The following ULK4 variants were observed in gnomAD, a reference collection of about 807,000 sequenced individuals.
ULK4 encodes inactive serine/threonine-protein kinase ULK4.
A neutral mutation model predicts 160.6 loss-of-function variants in ULK4; 133 were observed. That is an observed-to-expected ratio of 0.83 (90% CI 0.72 to 0.96). ULK4 has a LOEUF of 0.96. Ranked by LOEUF, ULK4 falls within the 40% of genes least tolerant of loss-of-function variation. The pLI is 0.00. For synonymous variants in ULK4, 534 were observed against 539.8 expected (o/e 0.99, Z 0.15); for missense variants, 1,580 against 1,499.5 (o/e 1.05, Z -0.89).
chr3:41,571,494 T>C (rs1360465840), intron 31 of ULK4, among the ~76,000 whole-genome samples: 2 of 152,204 alleles, frequency 1.3e-5, no homozygotes, highest in Non-Finnish European at 2.9e-5. Flanking sequence ...AAACTGTGCA[T>C]TGAAAAACAT....
At chr3:41,613,905 G>A (rs1475238298) in intron 31 of ULK4, among the ~76,000 whole-genome samples, 3 of 152,196 alleles carry the variant, frequency 2.0e-5, no homozygotes, top group African/African-American at 7.2e-5. Context: ...GCTCAGGACT[G>A]GCTAAAATGG....
chr3:41,440,068 CTTCT>C (rs1260700233), intron 34 of ULK4, among the ~76,000 whole-genome samples: 2 of 152,082 alleles, frequency 1.3e-5, no homozygotes, highest in Non-Finnish European at 1.5e-5. Flanking sequence ...TGTGGACAGA[CTTCT>C]TTATTTAATT....
chr3:41,735,697 T>TTAG (rs1215980284), intron 22 of ULK4, among the ~76,000 whole-genome samples: 1 of 149,408 alleles, frequency 6.7e-6, no homozygotes, highest in Non-Finnish European at 1.5e-5. Flanking sequence ...TTTATTATTA[T>TTAG]TATTATTATT....
chr3:41,492,131 T>C (rs1488373692), intron 32 of ULK4, among the ~76,000 whole-genome samples: 1 of 150,548 alleles, frequency 6.6e-6, no homozygotes, highest in Admixed American at 6.7e-5. Flanking sequence ...CACTCTATCA[T>C]TGTTGGACAT....
At chr3:41,845,532 A>T (rs1458516761) in intron 17 of ULK4, among the ~76,000 whole-genome samples, 1 of 152,174 alleles carries the variant, frequency 6.6e-6, no homozygotes, top group Non-Finnish European at 1.5e-5. Flanking sequence ...CACACACAGC[A>T]GGGTAAGAGG....
intron 32 of ULK4, among the ~76,000 whole-genome samples, chr3:41,531,071 T>C (rs2086292362): frequency 1.3e-5 from 2 of 150,056 alleles, no homozygotes; most frequent in African/African-American, 4.9e-5. Context: ...CCAAAATGAA[T>C]GTTAATATCA....
At position 41,859,226 on chromosome 3, in the gene ULK4, G is replaced by A. The variant is rs894054716; in HGVS notation, c.1657-23255C>T. The A allele has an allele frequency of 1.1e-5, 6 of 535,066 alleles. No individual in the cohort carries two copies. The African/African-American group carries it at 1.2e-4, about 11-fold the overall frequency. 33.1% of individuals were successfully genotyped at this position (535,066 alleles called of 1,614,324 possible). On this transcript the variant is annotated intron_variant, in intron 17 of 36. Transcript: ENST00000301831. Reference sequence around the variant, plus strand: ...ATTTAAATGTGGTGCTGATGTTTAAGGCAACTAATGACCAAAATGGGCAAG... The same window carrying A: ...ATTTAAATGTGGTGCTGATGTTTAAAGCAACTAATGACCAAAATGGGCAAG...
intron 16 of ULK4, among the ~76,000 whole-genome samples, chr3:41,892,916 G>T (rs767166724): frequency 1.8e-4 from 27 of 152,196 alleles, no homozygotes; most frequent in Non-Finnish European, 3.7e-4. Context: ...GTTTTAGTCA[G>T]TTGAGGAGAC....
At chr3:41,624,820 T>C (rs965315559) in intron 30 of ULK4, among the ~76,000 whole-genome samples, 3 of 152,238 alleles carry the variant, frequency 2.0e-5, no homozygotes, top group African/African-American at 7.2e-5. Context: ...TGCGTTTTTT[T>C]CTATTCATTC....
At chr3:41,948,715 C>T (rs1313883411) in intron 2 of ULK4, among the ~76,000 whole-genome samples, 1 of 80,894 alleles carries the variant, frequency 1.2e-5, no homozygotes, top group Non-Finnish European at 2.5e-5. Context: ...CAAAATTCAA[C>T]AACCTTTAAA....
intron 35 of ULK4, among the ~76,000 whole-genome samples, chr3:41,390,249 G>C (rs1318101023): frequency 6.6e-6 from 1 of 152,032 alleles, no homozygotes; most frequent in Non-Finnish European, 1.5e-5. Context: ...GTGTCTATTT[G>C]ATTCTTCTCT....
At chr3:41,579,332 G>A (rs187788367) in intron 31 of ULK4, among the ~76,000 whole-genome samples, 3 of 152,198 alleles carry the variant, frequency 2.0e-5, no homozygotes, top group Admixed American at 2.0e-4. Context: ...AGAAAGGATA[G>A]GGATAAGGAA....
chr3:41,344,816 C>CA (rs1003312432), intron 35 of ULK4, among the ~76,000 whole-genome samples: 3 of 138,530 alleles, frequency 2.2e-5, no homozygotes, highest in African/African-American at 8.1e-5. Context: ...AGCTTCTGCA[C>CA]AAAAAAAGAA....
At chr3:41,616,010 C>A (rs1350883630) in intron 30 of ULK4, among the ~76,000 whole-genome samples, 2 of 152,100 alleles carry the variant, frequency 1.3e-5, no homozygotes, top group African/African-American at 4.8e-5. Context: ...TAAAGACTAT[C>A]AAAATAGGTA....
chr3:41,592,785 T>C (rs1446334979), intron 31 of ULK4, among the ~76,000 whole-genome samples: 1 of 152,214 alleles, frequency 6.6e-6, no homozygotes, highest in African/African-American at 2.4e-5. Context: ...ATCATATCAC[T>C]TATGATACAA....
chr3:41,368,289 T>G (rs1008291782), intron 35 of ULK4, among the ~76,000 whole-genome samples: 2 of 152,092 alleles, frequency 1.3e-5, no homozygotes, highest in Non-Finnish European at 2.9e-5. Flanking sequence ...GACCTCGTGA[T>G]CCACCCAACT....
At chr3:41,770,571 G>A (rs574929670) in intron 21 of ULK4, among the ~76,000 whole-genome samples, 8 of 150,354 alleles carry the variant, frequency 5.3e-5, no homozygotes, top group African/African-American at 1.7e-4. Flanking sequence ...GTGCAGTGGA[G>A]CAATCCTGGC....
intron 34 of ULK4, among the ~76,000 whole-genome samples, chr3:41,445,746 T>C (rs995081984): frequency 4.3e-4 from 66 of 152,248 alleles, no homozygotes; most frequent in Middle Eastern, 3.4e-3. Context: ...AAGACTTACA[T>C]GTTAGACCTA....
In ULK4 at chr3:41,369,144, G is replaced by A. The variant is rs115916576; in HGVS notation, c.3678+28935C>T. 7.1e-3 allele frequency among the ~76,000 whole-genome samples: 1,077 copies of A among 152,282 alleles called. 11 individuals carry two copies. Among genetic ancestry groups the A allele is most frequent in the African/African-American group, 0.025 (1,030 of 41,560 alleles). Reference sequence around the variant, plus strand: ...AAATGATGAGAGTACTCTAATTTATGTTAACAACTGCTATAGCATTTACAA... The same window carrying A: ...AAATGATGAGAGTACTCTAATTTATATTAACAACTGCTATAGCATTTACAA... On this transcript the variant is annotated intron_variant, in intron 35 of 36. Transcript: ENST00000301831.
Sources: allele counts gnomAD v4.1 joint callset (sites outside exome capture counted in the v4.1 genomes callset), GRCh38; gene constraint gnomAD v4.1.1; transcripts MANE v1.5; gene names NCBI Gene and HGNC (gene_info 2026-07-23, HGNC 2026-07-21).